The following ACBD7 variants were observed in gnomAD, a reference collection of about 807,000 sequenced individuals.
The protein encoded by ACBD7 is acyl-CoA binding domain containing 7.
In ACBD7, 11 loss-of-function variants were observed where a neutral mutation model predicts 13.7. The ratio of observed to expected loss-of-function variants is 0.80; its 90% CI spans 0.50 to 1.33. The LOEUF is 1.33. Among genes scored for constraint, ACBD7 ranks in the 40% most tolerant of loss-of-function variants. The pLI is 0.00. For synonymous variants in ACBD7, 43 were observed against 37.7 expected, an observed-to-expected ratio of 1.14 and a Z score of -0.51; for missense variants, 111 against 103.0, an observed-to-expected ratio of 1.08 and a Z score of -0.33.
rs371280933 is a variant in ACBD7, at chr10:15,084,227, TA to T, written c.12+4489del. Among the ~76,000 whole-genome samples, 60 of 151,544 alleles carry T rather than the reference TA, an allele frequency of 4.0e-4. 1 individual carries two copies. Among genetic ancestry groups the T allele is most frequent in the African/African-American group, 1.3e-3 (55 of 40,890 alleles). ...AATCAATAAATAAACAATCAATCAA[TA>T]ATCACCTTGGCAGCACCCACGGGGC... On this transcript the variant is annotated intron_variant, in intron 1 of 3. Transcript: ENST00000356189.
rs1844677227 is a variant in ACBD7 at position 15,075,998 on chromosome 10, GAAAAGA to G, written c.*2526_*2531del. ...CAACAAAAAAAAAAAAAAAAAAAAA[GAAAAGA>G]AAAAGAATGTTATATAAATGGAATT... is the stretch of plus-strand genomic sequence containing the variant. On this transcript the variant is annotated 3_prime_UTR_variant, in exon 4 of 4. Coordinates refer to ENST00000356189, the MANE Select transcript of ACBD7 (RefSeq NM_001039844.3). 7 of 349,288 alleles carry G rather than the reference GAAAAGA, an allele frequency of 2.0e-5. No individual in the cohort carries two copies. The highest frequency in any genetic ancestry group is 2.3e-5 in the Non-Finnish European group (6 of 261,796). The allele number at this position is 349,288 out of a possible 1,614,324, so 21.6% of individuals were successfully genotyped here.
intron 1 of ACBD7, 66 bp downstream of exon 1, chr10:15,088,651 G>A: frequency 6.4e-7 from 1 of 1,570,990 alleles, no homozygotes; most frequent in Non-Finnish European, 8.6e-7. Flanking sequence ...AGCCCACCCG[G>A]AGCCCCACTT....
Position 15,078,281 on chromosome 10 carries a change from A to G in ACBD7, c.*249T>C. 8.3e-7 allele frequency: 1 copy of G among 1,199,968 alleles called. No homozygotes were observed. Among genetic ancestry groups the G allele is most frequent in the South Asian group, 2.1e-5 (1 of 47,516 alleles). The allele number at this position is 1,199,968 out of a possible 1,614,324, so 74.3% of individuals were successfully genotyped here. A position where few individuals can be genotyped will look rare whatever the true frequency, so the allele number is the denominator to read the frequency against. On this transcript the variant is annotated 3_prime_UTR_variant, in exon 4 of 4. Coordinates refer to ENST00000356189, the MANE Select transcript of ACBD7 (RefSeq NM_001039844.3). ...AAAGGACATGAACTCATCCCTTTTT[A>G]TGGCTCCATAGTATTCCATGGTGTA... is the stretch of plus-strand genomic sequence containing the variant.
At chr10:15,081,459 T>C (rs1844749153) in intron 1 of ACBD7, among the ~76,000 whole-genome samples, 1 of 152,234 alleles carries the variant, frequency 6.6e-6, no homozygotes, top group Admixed American at 6.5e-5. Context: ...GAGGAAGGTC[T>C]TCAGATCTCA....
At chr10:15,084,440 G>T (rs917882998) in intron 1 of ACBD7, among the ~76,000 whole-genome samples, 8 of 152,140 alleles carry the variant, frequency 5.3e-5, no homozygotes, top group Non-Finnish European at 1.2e-4. Flanking sequence ...GGGTGCCCAA[G>T]TTCTTGGCAT....
chr10:15,082,994 G>A (rs775195297), intron 1 of ACBD7, among the ~76,000 whole-genome samples: 1 of 151,972 alleles, frequency 6.6e-6, no homozygotes, highest in African/African-American at 2.4e-5. Flanking sequence ...CCAAGATCCT[G>A]CCACTGCACT....
chr10:15,077,333 G>T lies in ACBD7; in HGVS notation c.*1197C>A, dbSNP rs1564538831. 6.6e-6 allele frequency among the ~76,000 whole-genome samples: 1 copy of T among 150,838 alleles called. No homozygotes were observed. The highest frequency in any genetic ancestry group is 1.9e-4 in the East Asian group (1 of 5,158). ...CTATTATCTTAAGTGAAACAACTCA[G>T]AAAAAAATAAGAAAATAAAGATTTT... On this transcript the variant is annotated 3_prime_UTR_variant, in exon 4 of 4. Transcript: ENST00000356189.
intron 1 of ACBD7, among the ~76,000 whole-genome samples, chr10:15,081,364 C>T (rs945684331): frequency 6.6e-6 from 1 of 152,128 alleles, no homozygotes; most frequent in African/African-American, 2.4e-5. Flanking sequence ...CTCCCCAACC[C>T]TCCATGATTT....
At chr10:15,079,296 G>A (rs1379589294) in intron 1 of ACBD7, among the ~76,000 whole-genome samples, 1 of 139,122 alleles carries the variant, frequency 7.2e-6, no homozygotes, top group Non-Finnish European at 1.5e-5. Context: ...TTGAGCCAAG[G>A]TCTGGCTCTC....
intron 1 of ACBD7, among the ~76,000 whole-genome samples, chr10:15,085,395 A>G (rs1054819056): frequency 2.6e-4 from 40 of 152,224 alleles, no homozygotes; most frequent in Non-Finnish European, 2.8e-4. Flanking sequence ...ACAGCCTCCG[A>G]GGGTGGCTCT....
In ACBD7 at chr10:15,076,735, C is replaced by T. The variant is rs555756110; in HGVS notation, c.*1795G>A. ...GTCAGGCTGGTCTCGAACTTCTGAC[C>T]TCAGTAATCCACCTACCTCGGCCTC... On this transcript the variant is annotated 3_prime_UTR_variant, in exon 4 of 4. Coordinates refer to ENST00000356189, the MANE Select transcript of ACBD7 (RefSeq NM_001039844.3). 1.1e-6 allele frequency: 1 copy of T among 949,512 alleles called. No homozygotes were observed. The highest frequency in any genetic ancestry group is 1.3e-6 in the Non-Finnish European group (1 of 797,452). 58.8% of individuals were successfully genotyped at this position (949,512 alleles called of 1,614,324 possible). A position where few individuals can be genotyped will look rare whatever the true frequency, so the allele number is the denominator to read the frequency against.
intron 1 of ACBD7, among the ~76,000 whole-genome samples, chr10:15,079,791 C>T (rs1482982279): frequency 1.3e-5 from 2 of 151,826 alleles, no homozygotes; most frequent in African/African-American, 4.8e-5. Flanking sequence ...CTTGGCCAGG[C>T]TGGTCTTGAA....
At position 15,078,354 on chromosome 10, in the gene ACBD7, A is replaced by C; in HGVS notation, c.*176T>G. The C allele has an allele frequency of 6.8e-7, 1 of 1,463,166 alleles. No homozygotes were observed. Among genetic ancestry groups the C allele is most frequent in the Non-Finnish European group, 9.0e-7 (1 of 1,114,014 alleles). 90.6% of individuals were successfully genotyped at this position (1,463,166 alleles called of 1,614,324 possible). A position where few individuals can be genotyped will look rare whatever the true frequency, so the allele number is the denominator to read the frequency against. ...AGAACTTTTAAAGACACCTGGTTTA[A>C]GCAAGTACAATTGAGTTAACTATGT... On this transcript the variant is annotated 3_prime_UTR_variant, in exon 4 of 4. Transcript: ENST00000356189.
At chr10:15,079,135 G>T in intron 1 of ACBD7, 95 bp from the exon 2 acceptor site, 1 of 663,332 alleles carries the variant, frequency 1.5e-6, no homozygotes, top group South Asian at 2.7e-5. Context: ...AAGTAGAAAT[G>T]AACTTCTGCT....
At position 15,088,659 on chromosome 10, in the gene ACBD7, C is replaced by T. The variant is rs527612544; in HGVS notation, c.12+58G>A. ...GGCGCCAAGCCCACCCGGAGCCCCA[C>T]TTAAGCACTCCCCTCGCGGAGCGCC... On this transcript the variant is annotated intron_variant, in intron 1 of 3. Transcript: ENST00000356189. 2.4e-5 allele frequency: 38 copies of T among 1,581,000 alleles called. 2 individuals carry two copies. The South Asian group carries it at 4.0e-4, about 16-fold the overall frequency.
In ACBD7 at chr10:15,076,838, C is replaced by A. The variant is rs1844687759; in HGVS notation, c.*1692G>T. ...TTCTTAATAACCTGTTTTTATTTCACCAGTAACATTAACTTATTGTAACAG... is the reference window on the plus strand; with the variant it reads ...TTCTTAATAACCTGTTTTTATTTCAACAGTAACATTAACTTATTGTAACAG... On this transcript the variant is annotated 3_prime_UTR_variant, in exon 4 of 4. Transcript: ENST00000356189. 1 of 985,214 alleles carries A rather than the reference C, an allele frequency of 1.0e-6. No individual in the cohort carries two copies. The highest frequency in any genetic ancestry group is 1.2e-6 in the Non-Finnish European group (1 of 829,926). 61.0% of individuals were successfully genotyped at this position (985,214 alleles called of 1,614,324 possible).
chr10:15,085,445 T>A lies in ACBD7; in HGVS notation c.12+3272A>T, dbSNP rs555236873. On this transcript the variant is annotated intron_variant, in intron 1 of 3. Transcript: ENST00000356189. ...TTACTTTCTGCAATGAACATGGTCA[T>A]CCCACATAGGGGGTTGGCAAGGTCT... 5.3e-5 allele frequency among the ~76,000 whole-genome samples: 8 copies of A among 152,334 alleles called. No homozygotes were observed. In the South Asian group the frequency reaches 1.7e-3, roughly 32 times the overall value.
At chr10:15,083,214 C>A (rs1048801262) in intron 1 of ACBD7, among the ~76,000 whole-genome samples, 5 of 152,178 alleles carry the variant, frequency 3.3e-5, no homozygotes, top group Non-Finnish European at 5.9e-5. Flanking sequence ...CTCTGTCTAG[C>A]CTGTCTGGTT....
At chr10:15,083,746 G>A (rs1030849547) in intron 1 of ACBD7, among the ~76,000 whole-genome samples, 5 of 152,206 alleles carry the variant, frequency 3.3e-5, no homozygotes, top group African/African-American at 1.2e-4. Context: ...GCTTCCCAAA[G>A]TGCTGGGATT....
Sources: allele counts gnomAD v4.1 joint callset (sites outside exome capture counted in the v4.1 genomes callset), GRCh38; gene constraint gnomAD v4.1.1; transcripts MANE v1.5; gene names NCBI Gene and HGNC (gene_info 2026-07-23, HGNC 2026-07-21).